DOK6: variants seen among roughly 807,000 people sequenced by gnomAD.
DOK6 encodes the protein docking protein 6.
Under a neutral mutation model 44.0 loss-of-function variants are expected in DOK6, and 22 were observed. The observed-to-expected ratio is 0.50, with a 90% CI of 0.36 to 0.71. DOK6 has a LOEUF of 0.71. DOK6 is among the 30% of genes least tolerant of loss of function. DOK6 has a pLI of 0.00. For synonymous variants in DOK6, 166 were observed against 145.5 expected (o/e 1.14, Z -1.01); for missense variants, 340 against 416.4 (o/e 0.82, Z 1.60).
At chr18:69,740,506 A>C (rs1163613732) in intron 6 of DOK6, among the ~76,000 whole-genome samples, 1 of 152,202 alleles carries the variant, frequency 6.6e-6, no homozygotes, top group Non-Finnish European at 1.5e-5. Context: ...TTAAACAAGC[A>C]AAAGCTCATA....
At chr18:69,647,773 A>G (rs1224216723) in intron 3 of DOK6, among the ~76,000 whole-genome samples, 2 of 152,096 alleles carry the variant, frequency 1.3e-5, no homozygotes, top group Non-Finnish European at 2.9e-5. Context: ...GTCTTTTCTG[A>G]AAATGAAATC....
chr18:69,670,681 T>C (rs1985776794), intron 3 of DOK6, among the ~76,000 whole-genome samples: 1 of 152,084 alleles, frequency 6.6e-6, no homozygotes, highest in African/African-American at 2.4e-5. Context: ...AGCTAATTTT[T>C]GTGTTTTTAG....
At chr18:69,578,633 A>G (rs973526682) in intron 2 of DOK6, among the ~76,000 whole-genome samples, 1 of 152,160 alleles carries the variant, frequency 6.6e-6, no homozygotes, top group Non-Finnish European at 1.5e-5. Flanking sequence ...TCATCAGTGC[A>G]TTTTTGAATT....
intron 5 of DOK6, among the ~76,000 whole-genome samples, chr18:69,714,834 G>C (rs563112347): frequency 6.6e-6 from 1 of 152,088 alleles, no homozygotes; most frequent in South Asian, 2.1e-4. Context: ...TATAAATTTA[G>C]GTAAGTTGGA....
At chr18:69,729,098 A>G (rs1978329996) in intron 5 of DOK6, among the ~76,000 whole-genome samples, 1 of 152,166 alleles carries the variant, frequency 6.6e-6, no homozygotes, top group African/African-American at 2.4e-5. Flanking sequence ...CCAAAATAAT[A>G]TGCATATCAT....
chr18:69,582,607 A>G (rs1983397617), intron 2 of DOK6, among the ~76,000 whole-genome samples: 1 of 152,090 alleles, frequency 6.6e-6, no homozygotes, highest in Non-Finnish European at 1.5e-5. Context: ...CATATTACTT[A>G]GCTATCATCA....
At chr18:69,602,638 T>C (rs1385220179) in intron 3 of DOK6, among the ~76,000 whole-genome samples, 1 of 152,248 alleles carries the variant, frequency 6.6e-6, no homozygotes, top group Admixed American at 6.5e-5. Flanking sequence ...TAATGTAAGA[T>C]GTTACTAATA....
intron 1 of DOK6, among the ~76,000 whole-genome samples, chr18:69,425,118 G>A (rs1389811662): frequency 6.6e-6 from 1 of 152,188 alleles, no homozygotes; most frequent in East Asian, 1.9e-4. Context: ...CAGGCAAAAA[G>A]TGCAAGGAAG....
intron 1 of DOK6, among the ~76,000 whole-genome samples, chr18:69,455,676 G>T (rs184455538): frequency 1.8e-4 from 28 of 152,256 alleles, no homozygotes; most frequent in Admixed American, 1.6e-3. Context: ...AGAGGCTTAG[G>T]ATTTTAACTG....
At chr18:69,676,322 T>C (rs1226282844) in intron 3 of DOK6, among the ~76,000 whole-genome samples, 1 of 152,228 alleles carries the variant, frequency 6.6e-6, no homozygotes, top group African/African-American at 2.4e-5. Context: ...TAAAAATAAA[T>C]GATAAATTTG....
chr18:69,761,450 TG>T (rs1428077180), intron 7 of DOK6, among the ~76,000 whole-genome samples: 1 of 152,188 alleles, frequency 6.6e-6, no homozygotes, highest in East Asian at 1.9e-4. Flanking sequence ...TGCTCATACA[TG>T]ACTAGCTACC....
At chr18:69,414,629 A>C (rs1978320637) in intron 1 of DOK6, among the ~76,000 whole-genome samples, 1 of 152,030 alleles carries the variant, frequency 6.6e-6, no homozygotes, top group Admixed American at 6.6e-5. Context: ...AAGAATGGGG[A>C]ATCCTTTTGA....
At chr18:69,498,065 C>A (rs1980943563) in intron 1 of DOK6, among the ~76,000 whole-genome samples, 1 of 151,934 alleles carries the variant, frequency 6.6e-6, no homozygotes. Context: ...CAAATACACA[C>A]ACACACAGAC....
chr18:69,649,666 A>G (rs889223084), intron 3 of DOK6, among the ~76,000 whole-genome samples: 1 of 152,202 alleles, frequency 6.6e-6, no homozygotes, highest in Non-Finnish European at 1.5e-5. Context: ...GAGATTAGTA[A>G]AGGGCCTGAT....
At chr18:69,479,734 C>T (rs1436690375) in intron 1 of DOK6, among the ~76,000 whole-genome samples, 1 of 152,054 alleles carries the variant, frequency 6.6e-6, no homozygotes, top group Non-Finnish European at 1.5e-5. Context: ...ATTATAATTT[C>T]TTACCATGAG....
chr18:69,665,783 A>AGTT (rs1448991293), intron 3 of DOK6, among the ~76,000 whole-genome samples: 1 of 151,534 alleles, frequency 6.6e-6, no homozygotes, highest in African/African-American at 2.4e-5. Flanking sequence ...ATGGGCCAGT[A>AGTT]GTTACACCCA....
intron 1 of DOK6, among the ~76,000 whole-genome samples, chr18:69,433,698 G>C (rs1391433040): frequency 6.6e-6 from 1 of 151,926 alleles, no homozygotes; most frequent in African/African-American, 2.4e-5. Flanking sequence ...AAACAAAACA[G>C]TTATTCTTCC....
At chr18:69,812,423 T>C (rs146167797) in intron 7 of DOK6, among the ~76,000 whole-genome samples, 166 of 152,244 alleles carry the variant, frequency 1.1e-3, no homozygotes, top group African/African-American at 3.8e-3. Flanking sequence ...CAAATTGCCA[T>C]GCAAAACTGA....
rs1273610383 is a variant in DOK6 at position 69,468,940 on chromosome 18, G to A, written c.66+67630G>A. Among the ~76,000 whole-genome samples the A allele has an allele frequency of 3.3e-5, 5 of 152,292 alleles. No individual in the cohort carries two copies. In the East Asian group the frequency reaches 5.8e-4, roughly 18 times the overall value. ...ACTGTGACACACTTCAGAGTAAGCCGCACCCGGATTTTCTGACTACTTGGA... is the reference window on the plus strand; with the variant it reads ...ACTGTGACACACTTCAGAGTAAGCCACACCCGGATTTTCTGACTACTTGGA... On this transcript the variant is annotated intron_variant, in intron 1 of 7. Coordinates refer to ENST00000382713, the MANE Select transcript of DOK6 (RefSeq NM_152721.6).
Sources: gnomAD v4.1 joint callset for allele counts (sites outside exome capture counted in the v4.1 genomes callset) on GRCh38, gnomAD v4.1.1 for gene constraint, MANE v1.5 for transcripts, NCBI Gene and HGNC (gene_info 2026-07-23, HGNC 2026-07-21) for gene names.